Variants in VEGFC observed in about 807,000 individuals in gnomAD.
VEGFC encodes the protein vascular endothelial growth factor C, also known as FLT4 ligand DHM.
A neutral mutation model predicts 46.1 loss-of-function variants in VEGFC; 12 were observed. The observed-to-expected ratio is 0.26, with a 90% confidence interval of 0.17 to 0.42. The LOEUF (loss-of-function observed/expected upper bound fraction) is 0.42, where lower values mean the gene tolerates loss of function less well. Ranked by LOEUF, VEGFC falls within the 10% of genes least tolerant of loss-of-function variation. The probability of loss-of-function intolerance (pLI) is 1.00; values close to 1 mark genes in which losing one functional copy is unlikely to be tolerated. For missense variants in VEGFC, 488 were observed against 529.4 expected (o/e 0.92, Z 0.77); for synonymous variants, 232 against 195.5 (o/e 1.19, Z -1.56).
chr4:176,730,971 T>A (rs1168284324), intron 1 of VEGFC, among the ~76,000 whole-genome samples: 1 of 152,122 alleles, frequency 6.6e-6, no homozygotes. Flanking sequence ...CCCTATTAGA[T>A]AATGAAGTTG....
In VEGFC at chr4:176,747,002, C is replaced by T. The variant is rs140211143; in HGVS notation, c.148-17256G>A. Among the ~76,000 whole-genome samples the T allele has an allele frequency of 1.9e-3, 287 of 152,210 alleles. 2 individuals are homozygous for T. The highest frequency in any genetic ancestry group is 6.6e-3 in the African/African-American group (275 of 41,552). ...TGCAGATAGGGAGATTAAATAGCAT[C>T]ACTTGACTGTGCGTCTGCCGCATAG... On this transcript the variant is annotated intron_variant, in intron 1 of 6. Transcript: ENST00000618562.
chr4:176,782,241 T>A (rs770824953), intron 1 of VEGFC, among the ~76,000 whole-genome samples: 6 of 152,176 alleles, frequency 3.9e-5, no homozygotes, highest in Non-Finnish European at 2.9e-5. Flanking sequence ...CCAAGGCAGA[T>A]CACTTGAGCC....
At chr4:176,767,696 T>C (rs1735651009) in intron 1 of VEGFC, among the ~76,000 whole-genome samples, 1 of 151,470 alleles carries the variant, frequency 6.6e-6, no homozygotes, top group African/African-American at 2.4e-5. Context: ...TACTATTACT[T>C]GATAGAGATT....
intron 4 of VEGFC, among the ~76,000 whole-genome samples, chr4:176,706,459 T>C (rs555055098): frequency 6.6e-6 from 1 of 151,766 alleles, no homozygotes; most frequent in South Asian, 2.1e-4. Context: ...AAACCCCATC[T>C]CTACTAAAAA....
intron 1 of VEGFC, among the ~76,000 whole-genome samples, chr4:176,733,536 T>C (rs576363837): frequency 2.8e-4 from 43 of 151,966 alleles, no homozygotes; most frequent in African/African-American, 1.0e-3. Flanking sequence ...TTCCTTTATA[T>C]AACATTCTTT....
chr4:176,703,290 AGCC>A (rs1734467118), intron 4 of VEGFC, among the ~76,000 whole-genome samples: 1 of 152,164 alleles, frequency 6.6e-6, no homozygotes, highest in Admixed American at 6.6e-5. Context: ...AGTACTATTT[AGCC>A]ATAAAAAGAA....
In VEGFC at chr4:176,792,090, C is replaced by T. The variant is rs1410184685; in HGVS notation, c.147+75G>A. On this transcript the variant is annotated intron_variant, in intron 1 of 6. Transcript: ENST00000618562. The surrounding 1 kb of genome is among the most constrained non-coding windows in gnomAD (Gnocchi z 6.3). ...AGCTTAAAGCACACACACTTTCCCC[C>T]GCGCAGGTTCTCGGGTCCGCCGCAG... The T allele has an allele frequency of 7.1e-7, 1 of 1,400,272 alleles. No homozygotes were observed. 86.7% of individuals were successfully genotyped at this position (1,400,272 alleles called of 1,614,324 possible).
chr4:176,703,266 T>C (rs1040327167), intron 4 of VEGFC, among the ~76,000 whole-genome samples: 5 of 152,226 alleles, frequency 3.3e-5, no homozygotes, highest in African/African-American at 9.6e-5. Context: ...AAATCTGTTA[T>C]ATATACACAA....
chr4:176,749,335 T>C (rs943086377), intron 1 of VEGFC, among the ~76,000 whole-genome samples: 5 of 151,998 alleles, frequency 3.3e-5, no homozygotes, highest in African/African-American at 7.2e-5. Flanking sequence ...AGAGATGTTA[T>C]AGTGTTGGAA....
At chr4:176,711,470 C>T in intron 4 of VEGFC, 29 bp downstream of exon 4, 1 of 1,577,394 alleles carries the variant, frequency 6.3e-7, no homozygotes, top group Admixed American at 1.9e-5. Context: ...GTAGAGGATG[C>T]AGAAAAAATA....
At chr4:176,705,159 A>G (rs1368589885) in intron 4 of VEGFC, among the ~76,000 whole-genome samples, 2 of 152,180 alleles carry the variant, frequency 1.3e-5, no homozygotes, top group African/African-American at 4.8e-5. Flanking sequence ...TTCCTAATAC[A>G]GTATTATAGA....
chr4:176,755,053 T>C (rs1246482349), intron 1 of VEGFC, among the ~76,000 whole-genome samples: 1 of 152,066 alleles, frequency 6.6e-6, no homozygotes, highest in African/African-American at 2.4e-5. Flanking sequence ...AGGTAAGTAA[T>C]TTCTATATTT....
intron 1 of VEGFC, among the ~76,000 whole-genome samples, chr4:176,791,380 T>C (rs1212618533): frequency 6.6e-6 from 1 of 152,048 alleles, no homozygotes. Flanking sequence ...CACACACAAA[T>C]CCTTTTTCAA....
At chr4:176,779,311 G>A (rs1735868268) in intron 1 of VEGFC, among the ~76,000 whole-genome samples, 1 of 151,910 alleles carries the variant, frequency 6.6e-6, no homozygotes, top group African/African-American at 2.4e-5. Context: ...AATACAAGGT[G>A]GTATAAACAA....
rs1411785796 is a variant in VEGFC at position 176,792,264 on chromosome 4, A to T, written c.48T>A (p.Ala16=). ...CCTCGCGAGGACCCGGGAGCAGCGC[A>T]GCGGCGAGCAGAGAACACGCCACAG... ...FFSVACSLLA[A]ALLPGPREAP... The change falls in exon 1 of 7, where the codon GCT becomes GCA. Residue 16 remains alanine (A), a synonymous_variant. Transcript: ENST00000618562. This position sits in a 1 kb window ranked among gnomAD's most constrained non-coding sequence, Gnocchi z 6.3. 1.3e-6 allele frequency: 2 copies of T among 1,553,564 alleles called. No homozygotes were observed. Among genetic ancestry groups the T allele is most frequent in the South Asian group, 2.3e-5 (2 of 86,148 alleles).
rs772306595 is a variant in VEGFC at position 176,711,750 on chromosome 4, A to G, written c.553-100T>C. On this transcript the variant is annotated intron_variant, in intron 3 of 6. Transcript: ENST00000618562. ...CGAAAAAGAGTGAGATTAGCTCTAT[A>G]TAAGTAGCTGCCTAGTGTACGCAGG... 66 of 1,198,030 alleles carry G rather than the reference A, an allele frequency of 5.5e-5. No homozygotes were observed. The African/African-American group carries it at 7.0e-4, about 13-fold the overall frequency. The allele number at this position is 1,198,030 out of a possible 1,614,324, so 74.2% of individuals were successfully genotyped here.
In VEGFC at chr4:176,749,933, C is replaced by A. The variant is rs1437248149; in HGVS notation, c.148-20187G>T. ...TGTGTCTCTTCATCTTTGAAAAAAA[C>A]CTGTTAGCTTTACACTGAATTACTG... On this transcript the variant is annotated intron_variant, in intron 1 of 6. Transcript: ENST00000618562. 3.3e-5 allele frequency among the ~76,000 whole-genome samples: 5 copies of A among 151,290 alleles called. No individual in the cohort carries two copies. In the South Asian group the frequency reaches 6.2e-4, roughly 19 times the overall value.
chr4:176,762,452 C>A (rs1014777505), intron 1 of VEGFC, among the ~76,000 whole-genome samples: 2 of 152,128 alleles, frequency 1.3e-5, no homozygotes, highest in East Asian at 3.9e-4. Flanking sequence ...AGAGACGGGG[C>A]CCTCACCAGG....
At chr4:176,695,147 A>C (rs1258743631) in intron 4 of VEGFC, among the ~76,000 whole-genome samples, 1 of 151,242 alleles carries the variant, frequency 6.6e-6, no homozygotes, top group African/African-American at 2.4e-5. Context: ...AACTGAAGGA[A>C]ATAGAGACAC....
Sources: gnomAD v4.1 joint callset for allele counts (sites outside exome capture counted in the v4.1 genomes callset) on GRCh38, gnomAD v4.1.1 for gene constraint, Gnocchi (gnomAD v3.1) non-coding constraint, MANE v1.5 for transcripts, NCBI Gene and HGNC (gene_info 2026-07-23, HGNC 2026-07-21) for gene names.